CDKN2AIPNL: variants seen among roughly 807,000 people sequenced by gnomAD.
The protein encoded by CDKN2AIPNL is XRN2 binding domain containing 1.
In CDKN2AIPNL, 9 loss-of-function variants were observed where a neutral mutation model predicts 12.9. The observed-to-expected ratio is 0.70, with a 90% CI of 0.42 to 1.22. The LOEUF is 1.22. CDKN2AIPNL is among the 50% of genes most tolerant of loss of function. CDKN2AIPNL has a pLI of 0.00. For synonymous variants in CDKN2AIPNL, 53 were observed against 61.7 expected (o/e 0.86, Z 0.66); for missense variants, 143 against 153.6 (o/e 0.93, Z 0.37).
intron 2 of CDKN2AIPNL, among the ~76,000 whole-genome samples, chr5:134,405,754 A>T (rs1759094747): frequency 1.3e-5 from 2 of 152,174 alleles, no homozygotes; most frequent in Non-Finnish European, 2.9e-5. Flanking sequence ...CCCTCTTGGG[A>T]TAAAAATGTT....
chr5:134,403,625 T>C (rs1759059728), intron 2 of CDKN2AIPNL, among the ~76,000 whole-genome samples: 1 of 152,134 alleles, frequency 6.6e-6, no homozygotes, highest in Non-Finnish European at 1.5e-5. Flanking sequence ...GACCAGTGAG[T>C]GCTTTTTCTT....
In CDKN2AIPNL at chr5:134,402,836, G is replaced by A. The variant is rs1053536930; in HGVS notation, c.*79C>T. ...TAATACCAGGAGTCTTAAGAGAGCT[G>A]CTGTGGTCTATGTCACATTCATCCC... On this transcript the variant is annotated 3_prime_UTR_variant, in exon 3 of 3. Transcript: ENST00000458198. The A allele has an allele frequency of 5.5e-6, 7 of 1,284,090 alleles. No homozygotes were observed. The African/African-American group carries it at 7.4e-5, about 14-fold the overall frequency. The allele number at this position is 1,284,090 out of a possible 1,614,324, so 79.5% of individuals were successfully genotyped here. A position where few individuals can be genotyped will look rare whatever the true frequency, so the allele number is the denominator to read the frequency against.
chr5:134,405,108 CTTTT>C (rs66512248), intron 2 of CDKN2AIPNL, among the ~76,000 whole-genome samples: 4 of 131,644 alleles, frequency 3.0e-5, no homozygotes, highest in Admixed American at 7.6e-5. Flanking sequence ...CGTCATTTTT[CTTTT>C]TTTTTTTTTT....
Position 134,402,123 on chromosome 5 carries a change from T to C in CDKN2AIPNL, c.*792A>G, listed in dbSNP as rs899294882. On this transcript the variant is annotated 3_prime_UTR_variant, in exon 3 of 3. Transcript: ENST00000458198. ...TATTTTTATTTTTTTTGAGACGGTGTTTCATTTTTGTCGCCCAGGATGGAG... is the reference window on the plus strand; with the variant it reads ...TATTTTTATTTTTTTTGAGACGGTGCTTCATTTTTGTCGCCCAGGATGGAG... 6.6e-6 allele frequency: 1 copy of C among 151,934 alleles called. No homozygotes were observed. The highest frequency in any genetic ancestry group is 2.4e-5 in the African/African-American group (1 of 41,352). 9.4% of individuals were successfully genotyped at this position (151,934 alleles called of 1,614,324 possible). A position where few individuals can be genotyped will look rare whatever the true frequency, so the allele number is the denominator to read the frequency against.
chr5:134,406,616 G>C (rs1046043061), intron 2 of CDKN2AIPNL, among the ~76,000 whole-genome samples: 1 of 152,166 alleles, frequency 6.6e-6, no homozygotes, highest in African/African-American at 2.4e-5. Context: ...GAGTCTTAAA[G>C]ATTCACCAGG....
chr5:134,408,513 C>CAAAAAAA (rs59056879), intron 2 of CDKN2AIPNL, among the ~76,000 whole-genome samples: 428 of 111,670 alleles, frequency 3.8e-3, no homozygotes, highest in Non-Finnish European at 5.5e-3. Context: ...ACTAAAAATA[C>CAAAAAAA]AAAAAAAAAA....
At position 134,402,864 on chromosome 5, in the gene CDKN2AIPNL, C is replaced by G; in HGVS notation, c.*51G>C. 6.4e-7 allele frequency: 1 copy of G among 1,574,038 alleles called. No individual in the cohort carries two copies. Among genetic ancestry groups the G allele is most frequent in the South Asian group, 1.1e-5 (1 of 89,110 alleles). ...GTGGTCTATGTCACATTCATCCCAG[C>G]CTCCTTTCTAATCCTGTAGCTGATG... On this transcript the variant is annotated 3_prime_UTR_variant, in exon 3 of 3. Transcript: ENST00000458198.
chr5:134,410,852 C>T (rs1053587702), intron 1 of CDKN2AIPNL: 1 of 601,966 alleles, frequency 1.7e-6, no homozygotes, highest in African/African-American at 1.8e-5. Context: ...ATTTTCCTAA[C>T]ACAATTTCAG....
chr5:134,408,715 A>G (rs900565342), intron 2 of CDKN2AIPNL, among the ~76,000 whole-genome samples: 4 of 151,966 alleles, frequency 2.6e-5, no homozygotes, highest in African/African-American at 7.3e-5. Flanking sequence ...ACAAAAACAA[A>G]AAAACAGCTG....
chr5:134,411,015 G>C, intron 1 of CDKN2AIPNL: 1 of 702,192 alleles, frequency 1.4e-6, no homozygotes. Flanking sequence ...TTCACAAAAA[G>C]GCATCGGCCA....
intron 2 of CDKN2AIPNL, among the ~76,000 whole-genome samples, chr5:134,403,200 C>A (rs934606728): frequency 3.3e-5 from 5 of 152,206 alleles, no homozygotes; most frequent in Non-Finnish European, 7.4e-5. Flanking sequence ...GCTTAAAATA[C>A]AACTTTTTCT....
intron 1 of CDKN2AIPNL, chr5:134,410,807 T>A (rs1041493224): frequency 3.5e-6 from 2 of 576,008 alleles, no homozygotes; most frequent in African/African-American, 3.7e-5. Context: ...GCAGCCATAA[T>A]AGGTATAGAA....
At position 134,411,849 on chromosome 5, in the gene CDKN2AIPNL, G is replaced by T. The variant is rs781627639; in HGVS notation, c.6C>A (p.Val2=). ...CCACTGCGGCAGCCGCCTCGCCACC[G>T]ACCATGGTGCCCGCCGCAGCCGAGG... The part of the protein sequence containing the change: M[V]GGEAAAAVEE... Residue 2 remains valine, a synonymous_variant, in exon 1 of 3, where the codon GTC becomes GTA. Coordinates refer to ENST00000458198, the MANE Select transcript of CDKN2AIPNL (RefSeq NM_080656.3). 6.4e-6 allele frequency: 10 copies of T among 1,562,564 alleles called. 1 individual carries two copies. The South Asian group carries it at 9.3e-5, about 15-fold the overall frequency.
At chr5:134,405,278 T>A (rs1477267586) in intron 2 of CDKN2AIPNL, among the ~76,000 whole-genome samples, 1 of 145,576 alleles carries the variant, frequency 6.9e-6, no homozygotes, top group Non-Finnish European at 1.5e-5. Context: ...GCTAATTTTT[T>A]GTATTTTTAG....
intron 1 of CDKN2AIPNL, chr5:134,410,573 T>G (rs1759176566): frequency 6.0e-6 from 1 of 167,826 alleles, no homozygotes; most frequent in African/African-American, 2.4e-5. Context: ...TTTTTATTTT[T>G]TAAATACATG....
intron 2 of CDKN2AIPNL, among the ~76,000 whole-genome samples, chr5:134,406,337 C>T (rs1759103281): frequency 1.3e-5 from 2 of 152,184 alleles, no homozygotes; most frequent in African/African-American, 4.8e-5. Context: ...GCTAAAGCAT[C>T]AATTCTGGGC....
At chr5:134,403,042 G>T in intron 2 of CDKN2AIPNL, 116 bp from the exon 3 acceptor site, 3 of 727,536 alleles carry the variant, frequency 4.1e-6, no homozygotes, top group Non-Finnish European at 6.4e-6. Flanking sequence ...CAGACAGTAA[G>T]TATACTCAGA....
intron 2 of CDKN2AIPNL, among the ~76,000 whole-genome samples, chr5:134,409,362 T>A (rs2149697665): frequency 6.6e-6 from 1 of 152,342 alleles, no homozygotes; most frequent in African/African-American, 2.4e-5. Flanking sequence ...TTCTGCCACA[T>A]TCTGTAGCCC....
chr5:134,406,433 A>G (rs1254838595), intron 2 of CDKN2AIPNL, among the ~76,000 whole-genome samples: 1 of 152,232 alleles, frequency 6.6e-6, no homozygotes, highest in Non-Finnish European at 1.5e-5. Flanking sequence ...AATGTTTTTC[A>G]GCATCCTCTG....
Sources: allele counts gnomAD v4.1 joint callset (sites outside exome capture counted in the v4.1 genomes callset), GRCh38; gene constraint gnomAD v4.1.1; transcripts MANE v1.5; gene names NCBI Gene and HGNC (gene_info 2026-07-23, HGNC 2026-07-21).